EGR2: variants seen among roughly 807,000 people sequenced by gnomAD.
The protein encoded by EGR2 is early growth response 2.
EGR2 carries 2 observed loss-of-function variants against 21.2 expected under a neutral mutation model. The observed-to-expected ratio is 0.09, with a 90% CI of 0.04 to 0.30. The LOEUF is 0.30. Ranked by LOEUF, EGR2 falls within the 10% of genes least tolerant of loss-of-function variation. The pLI is 1.00. For synonymous variants in EGR2, 282 were observed against 258.2 expected, an observed-to-expected ratio of 1.09 and a Z score of -0.88; for missense variants, 458 against 630.2, an observed-to-expected ratio of 0.73 and a Z score of 2.93.
Position 62,816,344 on chromosome 10 carries a change from A to G in EGR2, c.-315T>C. ...CAGTGAGTCCCCTCGCCGAGCTATT[A>G]ATCAATTGCTCCTCGCTCAGTTAGA... On this transcript the variant is annotated 5_prime_UTR_variant, in exon 1 of 2. Coordinates refer to ENST00000242480, the MANE Select transcript of EGR2 (RefSeq NM_000399.5). 1 of 1,252,790 alleles carries G rather than the reference A, an allele frequency of 8.0e-7. No homozygotes were observed. The allele number at this position is 1,252,790 out of a possible 1,614,324, so 77.6% of individuals were successfully genotyped here.
At chr10:62,818,657 A>C, upstream of EGR2, 1 of 1,256,926 alleles carries the variant, frequency 8.0e-7, no homozygotes, top group Non-Finnish European at 1.0e-6. Context: ...CCTGAGTCCG[A>C]AAGAACGGGG....
At chr10:62,818,598 C>T, upstream of EGR2, 1 of 1,277,682 alleles carries the variant, frequency 7.8e-7, no homozygotes, top group Non-Finnish European at 1.0e-6. Flanking sequence ...CCCGCGCTGA[C>T]CATGGGCAAG....
chr10:62,817,176 C>T (rs1168915762), upstream of EGR2, among the ~76,000 whole-genome samples: 1 of 152,206 alleles, frequency 6.6e-6, no homozygotes, highest in Non-Finnish European at 1.5e-5. The surrounding 1 kb of genome is among the most constrained non-coding windows in gnomAD (Gnocchi z 4.4). Flanking sequence ...TCTGCCCGCG[C>T]GCTCCCCGCC....
At position 62,813,316 on chromosome 10, in the gene EGR2, G is replaced by T; in HGVS notation, c.1322C>A (p.Ala441Asp). The change falls in exon 2 of 2, where the codon GCC becomes GAC. Residue 441 changes from alanine (A) to aspartate (D), a missense_variant. By Grantham distance (126) the Ala-to-Asp change is moderately radical (BLOSUM62 -2). Around this residue, in one of 5 missense-constraint regions of EGR2, gnomAD observed 69 missense variants for 70.4 expected, o/e 0.98. Transcript: ENST00000242480. This position sits in a 1 kb window ranked among gnomAD's most constrained non-coding sequence, Gnocchi z 5.7. Reference sequence around the variant, plus strand: ...AGGCTGCACGCCCCCAGAGCAGGAGGCTGTAGAGGGGGCTGGCACCGATGC... The same window carrying T: ...AGGCTGCACGCCCCCAGAGCAGGAGTCTGTAGAGGGGGCTGGCACCGATGC... ...PSASVPAPST[A>D]SCSGGVQPGG... 1 of 1,582,898 alleles carries T rather than the reference G, an allele frequency of 6.3e-7. No individual in the cohort carries two copies. The highest frequency in any genetic ancestry group is 1.7e-5 in the Admixed American group (1 of 58,658).
intron 1 of EGR2, among the ~76,000 whole-genome samples, 185 bp downstream of exon 1, chr10:62,815,676 C>A (rs1377070029): frequency 1.3e-5 from 2 of 152,230 alleles, no homozygotes; most frequent in African/African-American, 4.8e-5. Flanking sequence ...GGCGCATCTG[C>A]CCGCGCGCCC....
At position 62,816,313 on chromosome 10, in the gene EGR2, A is replaced by T. The variant is rs1043584911; in HGVS notation, c.-284T>A. ...GGAGTTGCTGGTGTAGTGTTATTAT[A>T]ACAGTCAGTGAGTCCCCTCGCCGAG... On this transcript the variant is annotated 5_prime_UTR_variant, in exon 1 of 2. Transcript: ENST00000242480. 4.6e-6 allele frequency: 6 copies of T among 1,304,998 alleles called. No individual in the cohort carries two copies. In the African/African-American group the frequency reaches 9.0e-5, roughly 20 times the overall value. 80.8% of individuals were successfully genotyped at this position (1,304,998 alleles called of 1,614,324 possible).
rs1183169938 is a variant in EGR2, at chr10:62,814,482, A to G, written c.170-14T>C. On this transcript the variant is annotated splice_polypyrimidine_tract_variant and intron_variant, in intron 1 of 1. Coordinates refer to ENST00000242480, the MANE Select transcript of EGR2 (RefSeq NM_000399.5). The surrounding 1 kb of genome is among the most constrained non-coding windows in gnomAD (Gnocchi z 4.8). ...TGATCATGCCATCTGGGGAGGGGAAAGGCAGAATGGAGGTGGAACAATGAA... is the reference window on the plus strand; with the variant it reads ...TGATCATGCCATCTGGGGAGGGGAAGGGCAGAATGGAGGTGGAACAATGAA... 6.2e-7 allele frequency: 1 copy of G among 1,613,502 alleles called. No individual in the cohort carries two copies. Among genetic ancestry groups the G allele is most frequent in the East Asian group, 2.2e-5 (1 of 44,882 alleles).
intron 1 of EGR2, among the ~76,000 whole-genome samples, chr10:62,815,572 C>G (rs1842244056): frequency 6.6e-6 from 1 of 152,232 alleles, no homozygotes. Context: ...ACGCAAGCCT[C>G]GAAACCCGGG....
In EGR2 at chr10:62,814,377, G is replaced by T. The variant is rs566397981; in HGVS notation, c.261C>A (p.Asn87Lys). 1 of 1,614,170 alleles carries T rather than the reference G, an allele frequency of 6.2e-7. No homozygotes were observed. The highest frequency in any genetic ancestry group is 1.1e-5 in the South Asian group (1 of 91,084). The change falls in exon 2 of 2, where the codon AAC becomes AAA. Residue 87 changes from asparagine (N) to lysine (K), a missense_variant. Around this residue, in one of 5 missense-constraint regions of EGR2, gnomAD observed 6 missense variants for 25.4 expected, o/e 0.24. Transcript: ENST00000242480. This position sits in a 1 kb window ranked among gnomAD's most constrained non-coding sequence, Gnocchi z 4.8. ...SSFAPVSAPRNQTFTYMGKFS... is the reference protein window; with the variant it reads ...SSFAPVSAPRKQTFTYMGKFS... ...ACTTGCCCATGTAAGTGAAGGTCTG[G>T]TTTCTAGGTGCAGAGACGGGAGCAA...
In EGR2 at chr10:62,814,372, G is replaced by A. The variant is rs1435215889; in HGVS notation, c.266C>T (p.Thr89Ile). Residue 89 changes from threonine (T) to isoleucine (I), a missense_variant, in exon 2 of 2, where the codon ACC becomes ATC. Thr to Ile is a moderately conservative substitution (Grantham distance 89, BLOSUM62 -1). Coordinates refer to ENST00000242480, the MANE Select transcript of EGR2 (RefSeq NM_000399.5). The surrounding 1 kb of genome is among the most constrained non-coding windows in gnomAD (Gnocchi z 4.8). ...FAPVSAPRNQ[T>I]FTYMGKFSID... ...GGAGAACTTGCCCATGTAAGTGAAG[G>A]TCTGGTTTCTAGGTGCAGAGACGGG... 6.2e-7 allele frequency: 1 copy of A among 1,614,032 alleles called. No homozygotes were observed. The highest frequency in any genetic ancestry group is 8.5e-7 in the Non-Finnish European group (1 of 1,180,016).
rs1842140067 is a variant in EGR2 at position 62,812,652 on chromosome 10, G to A, written c.*555C>T. On this transcript the variant is annotated 3_prime_UTR_variant, in exon 2 of 2. Transcript: ENST00000242480. ...TTCAAGGGTTGAGACAACTAGATAT[G>A]CTCTGATTCACCATTTTAGGGCCAC... 1 of 152,956 alleles carries A rather than the reference G, an allele frequency of 6.5e-6. No homozygotes were observed. The highest frequency in any genetic ancestry group is 1.5e-5 in the Non-Finnish European group (1 of 68,222). The allele number at this position is 152,956 out of a possible 1,614,324, so 9.5% of individuals were successfully genotyped here.
intron 1 of EGR2, among the ~76,000 whole-genome samples, chr10:62,815,659 G>T (rs937256243): frequency 1.3e-5 from 2 of 152,224 alleles, no homozygotes; most frequent in African/African-American, 4.8e-5. Flanking sequence ...CGGTTTGCTG[G>T]CGACCTGGCG....
chr10:62,813,915 T>C lies in EGR2; in HGVS notation c.723A>G (p.Thr241=), dbSNP rs1329305314. 3 of 1,614,184 alleles carry C rather than the reference T, an allele frequency of 1.9e-6. No individual in the cohort carries two copies. The highest frequency in any genetic ancestry group is 2.5e-6 in the Non-Finnish European group (3 of 1,180,016). ...PSQCQRDLHG[T]AGPDRKPFPC... is the part of the protein sequence containing the mutation. ...GAAAGGGCTTACGGTCTGGGCCAGC[T>C]GTACCATGTAGGTCTCTCTGGCACT... The change falls in exon 2 of 2, where the codon ACA becomes ACG. Residue 241 remains threonine (T), a synonymous_variant. Transcript: ENST00000242480. The surrounding 1 kb of genome is among the most constrained non-coding windows in gnomAD (Gnocchi z 5.7).
chr10:62,817,048 GTTGT>G (rs755689931), upstream of EGR2, among the ~76,000 whole-genome samples: 14 of 152,198 alleles, frequency 9.2e-5, no homozygotes, highest in East Asian at 1.9e-4. This position sits in a 1 kb window ranked among gnomAD's most constrained non-coding sequence, Gnocchi z 4.4. Context: ...ACAGGTTTGG[GTTGT>G]TTGTTTGTTT....
Position 62,816,122 on chromosome 10 carries a change from G to A in EGR2, c.-93C>T. Reference sequence around the variant, plus strand: ...GAGGGGTTGGACTGAGCCTGGGATGGTATCTCCTTTTGCCCTCCACACTTA... The same window carrying A: ...GAGGGGTTGGACTGAGCCTGGGATGATATCTCCTTTTGCCCTCCACACTTA... On this transcript the variant is annotated 5_prime_UTR_variant, in exon 1 of 2. Transcript: ENST00000242480. The A allele has an allele frequency of 6.2e-7, 1 of 1,610,722 alleles. No individual in the cohort carries two copies. Among genetic ancestry groups the A allele is most frequent in the South Asian group, 1.1e-5 (1 of 90,628 alleles).
chr10:62,815,265 C>T (rs1185936845), intron 1 of EGR2, among the ~76,000 whole-genome samples: 2 of 152,342 alleles, frequency 1.3e-5, no homozygotes, highest in Admixed American at 1.3e-4. Flanking sequence ...CCGTTGCGCG[C>T]CCTCCTCCAC....
chr10:62,817,116 T>G (rs1270556326), upstream of EGR2, among the ~76,000 whole-genome samples: 2 of 152,140 alleles, frequency 1.3e-5, no homozygotes, highest in African/African-American at 4.8e-5. The surrounding 1 kb of genome is among the most constrained non-coding windows in gnomAD (Gnocchi z 4.4). Context: ...GGAGCAGAAT[T>G]ACTGTGGGGA....
At position 62,814,466 on chromosome 10, in the gene EGR2, C is replaced by T. The variant is rs1490463620; in HGVS notation, c.172G>A (p.Gly58Ser). The T allele has an allele frequency of 4.3e-6, 7 of 1,614,006 alleles. No homozygotes were observed. In the South Asian group the frequency reaches 6.6e-5, roughly 15 times the overall value. ...FDQMNGVAGDGMINIDMTGEK... is the reference protein window; with the variant it reads ...FDQMNGVAGDSMINIDMTGEK... ...CCAGTCATGTCAATGTTGATCATGC[C>T]ATCTGGGGAGGGGAAAGGCAGAATG... Residue 58 changes from glycine to serine, a missense_variant and splice_region_variant, in exon 2 of 2, where the codon GGC becomes AGC. Around this residue, in one of 5 missense-constraint regions of EGR2, gnomAD observed 91 missense variants for 105.2 expected, o/e 0.87. Transcript: ENST00000242480. The surrounding 1 kb of genome is among the most constrained non-coding windows in gnomAD (Gnocchi z 4.8).
rs1237061145 is a variant in EGR2, at chr10:62,815,787, C to T, written c.169+74G>A. 9 of 1,565,040 alleles carry T rather than the reference C, an allele frequency of 5.8e-6. No homozygotes were observed. The East Asian group carries it at 9.2e-5, about 16-fold the overall frequency. On this transcript the variant is annotated intron_variant, in intron 1 of 1. Coordinates refer to ENST00000242480, the MANE Select transcript of EGR2 (RefSeq NM_000399.5). ...GGAGCCCCAATCCTCTCCTGCGATT[C>T]CCGCACACCCACTGCACCCCATCCA...
Sources: gnomAD v4.1 joint callset for allele counts (sites outside exome capture counted in the v4.1 genomes callset) on GRCh38, gnomAD v4.1.1 for gene constraint, gnomAD v4.1.1 regional missense constraint, Gnocchi (gnomAD v3.1) non-coding constraint, MANE v1.5 for transcripts, NCBI Gene and HGNC (gene_info 2026-07-23, HGNC 2026-07-21) for gene names.